The following PRMT3 variants were observed in gnomAD, a reference collection of about 807,000 sequenced individuals.
PRMT3 encodes the protein protein arginine methyltransferase 3.
Under a neutral mutation model 71.9 loss-of-function variants are expected in PRMT3, and 62 were observed. The ratio of observed to expected loss-of-function variants is 0.86; its 90% CI spans 0.70 to 1.07. The LOEUF is 1.07. PRMT3 is among the 50% of genes least tolerant of loss of function. The pLI, the probability that PRMT3 is intolerant of heterozygous loss-of-function variation, is 0.00. For synonymous variants in PRMT3, 213 were observed against 220.4 expected (o/e 0.97, Z 0.30); for missense variants, 663 against 643.0 (o/e 1.03, Z -0.34).
intron 13 of PRMT3, among the ~76,000 whole-genome samples, chr11:20,474,812 A>G (rs1850740196): frequency 1.3e-5 from 2 of 152,250 alleles, no homozygotes; most frequent in Admixed American, 1.3e-4. Flanking sequence ...GCAAGAGCAC[A>G]CTTGAACAAA....
chr11:20,405,769 T>G (rs1363538250), intron 8 of PRMT3: 1 of 152,222 alleles, frequency 6.6e-6, no homozygotes, highest in African/African-American at 2.4e-5. Flanking sequence ...GAGAAATTCC[T>G]TATTATCTTT....
chr11:20,397,580 ATT>A lies in PRMT3; in HGVS notation c.566_567del (p.Phe189CysfsTer18). 5 of 1,613,938 alleles carry A rather than the reference ATT, an allele frequency of 3.1e-6. No homozygotes were observed. Among genetic ancestry groups the A allele is most frequent in the Non-Finnish European group, 4.2e-6 (5 of 1,179,944 alleles). On this transcript the variant is annotated frameshift_variant, in exon 7 of 16. Transcript: ENST00000331079. LOFTEE classifies it high-confidence loss of function. ...AREDLQKMKQFAQDFVMHTDV... is the reference protein window; with the variant it reads ...AREDLQKMKQXAQDFVMHTDV... ...GTGTATTTCAAATTGATTACAGACA[ATT>A]TGCTCAGGATTTTGTGATGCACACA... is the stretch of plus-strand genomic sequence containing the variant.
At chr11:20,468,966 T>G (rs966276311) in intron 13 of PRMT3, among the ~76,000 whole-genome samples, 6 of 152,312 alleles carry the variant, frequency 3.9e-5, no homozygotes, top group South Asian at 4.1e-4. Flanking sequence ...ATTTTAGGAA[T>G]TTAACATGTG....
intron 13 of PRMT3, among the ~76,000 whole-genome samples, chr11:20,481,709 G>A (rs1436947221): frequency 6.6e-6 from 1 of 152,048 alleles, no homozygotes; most frequent in African/African-American, 2.4e-5. Context: ...AAGGGATTCT[G>A]TCTAGTTCTA....
At chr11:20,445,330 G>A (rs1023472816) in intron 10 of PRMT3, among the ~76,000 whole-genome samples, 6 of 152,034 alleles carry the variant, frequency 3.9e-5, no homozygotes, top group African/African-American at 1.4e-4. Context: ...ATATGAAAGA[G>A]TTTATATTGA....
intron 10 of PRMT3, among the ~76,000 whole-genome samples, chr11:20,445,331 T>C (rs1260951539): frequency 6.6e-6 from 1 of 151,948 alleles, no homozygotes; most frequent in Non-Finnish European, 1.5e-5. Flanking sequence ...TATGAAAGAG[T>C]TTATATTGAA....
At chr11:20,448,370 A>C (rs1850077114) in intron 10 of PRMT3, among the ~76,000 whole-genome samples, 1 of 152,280 alleles carries the variant, frequency 6.6e-6, no homozygotes, top group East Asian at 1.9e-4. Flanking sequence ...TGAATGTTAC[A>C]GAATTTGAGA....
At chr11:20,419,944 G>C (rs1044260751) in intron 9 of PRMT3, among the ~76,000 whole-genome samples, 2 of 152,180 alleles carry the variant, frequency 1.3e-5, no homozygotes, top group Admixed American at 6.5e-5. Context: ...GGTCAAGGTA[G>C]GTGAATTACT....
chr11:20,470,878 C>T (rs1850627708), intron 13 of PRMT3, among the ~76,000 whole-genome samples: 1 of 152,168 alleles, frequency 6.6e-6, no homozygotes, highest in African/African-American at 2.4e-5. Flanking sequence ...CAGCGTTCCT[C>T]CTTCTCCACA....
chr11:20,476,555 C>CTT (rs1208203967), intron 13 of PRMT3, among the ~76,000 whole-genome samples: 1 of 152,114 alleles, frequency 6.6e-6, no homozygotes, highest in African/African-American at 2.4e-5. Context: ...AAGTGAAAAA[C>CTT]TTTGCCCCTC....
intron 9 of PRMT3, among the ~76,000 whole-genome samples, chr11:20,409,365 C>G (rs1257939915): frequency 6.6e-6 from 1 of 152,040 alleles, no homozygotes; most frequent in Non-Finnish European, 1.5e-5. Context: ...TAATGGCTAT[C>G]TTTTGTGGTT....
Position 20,505,832 on chromosome 11 carries a change from C to T in PRMT3, c.1487-2472C>T, listed in dbSNP as rs1178815833. On this transcript the variant is annotated intron_variant, in intron 15 of 15. Transcript: ENST00000331079. ...ATAATAGTTACATCAACTTACATAT[C>T]AATTGTGTTTATAAACAAGTAAATA... is the stretch of plus-strand genomic sequence containing the variant. Among the ~76,000 whole-genome samples the T allele has an allele frequency of 4.0e-5, 6 of 148,356 alleles. No homozygotes were observed. In the Admixed American group the frequency reaches 4.1e-4, roughly 10 times the overall value.
At chr11:20,394,148 C>T (rs1460535969) in intron 5 of PRMT3, among the ~76,000 whole-genome samples, 1 of 152,150 alleles carries the variant, frequency 6.6e-6, no homozygotes, top group African/African-American at 2.4e-5. Flanking sequence ...GGAATTTTTA[C>T]GAAGTCACAT....
chr11:20,402,585 G>A (rs890659802), intron 7 of PRMT3, among the ~76,000 whole-genome samples: 2 of 151,996 alleles, frequency 1.3e-5, no homozygotes, highest in Admixed American at 1.3e-4. Context: ...GTAGTTTCCA[G>A]GCCCTATTGA....
At chr11:20,491,219 C>T (rs1465836161) in intron 13 of PRMT3, among the ~76,000 whole-genome samples, 5 of 151,972 alleles carry the variant, frequency 3.3e-5, no homozygotes, top group Non-Finnish European at 7.4e-5. Flanking sequence ...CTGAGAATTT[C>T]TGTCTTTTGA....
rs543977326 is a variant in PRMT3 at position 20,464,520 on chromosome 11, A to G, written c.1321A>G (p.Lys441Glu). 3.1e-6 allele frequency: 5 copies of G among 1,612,488 alleles called. No individual in the cohort carries two copies. Among genetic ancestry groups the G allele is most frequent in the Non-Finnish European group, 4.2e-6 (5 of 1,179,308 alleles). ...GGAATTTTCATCAGATTTTACCCTG[A>G]AAATCACAAGGACATCCATGTGCAC... is the stretch of plus-strand genomic sequence containing the variant. ...DLEFSSDFTL[K>E]ITRTSMCTAI... Residue 441 changes from lysine to glutamate, a missense_variant, in exon 13 of 16, where the codon AAA (lysine) becomes GAA (glutamate). Coordinates refer to ENST00000331079, the MANE Select transcript of PRMT3 (RefSeq NM_005788.4).
chr11:20,412,257 A>C (rs946482740), intron 9 of PRMT3, among the ~76,000 whole-genome samples: 1 of 152,248 alleles, frequency 6.6e-6, no homozygotes, highest in African/African-American at 2.4e-5. Flanking sequence ...AAGATTCATT[A>C]TAGACATTAT....
At chr11:20,424,924 A>T (rs1478492305) in intron 9 of PRMT3, among the ~76,000 whole-genome samples, 2 of 152,062 alleles carry the variant, frequency 1.3e-5, no homozygotes, top group African/African-American at 4.8e-5. Flanking sequence ...CACAACATAG[A>T]GAAGCCCCAT....
chr11:20,477,314 G>A (rs943392871), intron 13 of PRMT3, among the ~76,000 whole-genome samples: 19 of 152,108 alleles, frequency 1.2e-4, no homozygotes, highest in Admixed American at 2.0e-4. Flanking sequence ...AGCAGCTCAC[G>A]GCTGTAATCC....
Sources: allele counts gnomAD v4.1 joint callset (sites outside exome capture counted in the v4.1 genomes callset), GRCh38; gene constraint gnomAD v4.1.1; transcripts MANE v1.5; gene names NCBI Gene and HGNC (gene_info 2026-07-23, HGNC 2026-07-21).